The following TUSC3 variants were observed in gnomAD, a reference collection of about 807,000 sequenced individuals.
TUSC3 encodes the protein tumor suppressor candidate 3.
TUSC3 carries 45 observed loss-of-function variants against 44.8 expected under a neutral mutation model. That is an observed-to-expected ratio of 1.00 (90% confidence interval 0.79 to 1.29). The LOEUF is 1.29. Ranked by LOEUF, TUSC3 falls within the 50% of genes most tolerant of loss-of-function variation. The probability of loss-of-function intolerance (pLI) is 0.00; values close to 1 mark genes in which losing one functional copy is unlikely to be tolerated. For missense variants in TUSC3, 519 were observed against 437.9 expected (o/e 1.19, Z -1.65); for synonymous variants, 212 against 152.9 (o/e 1.39, Z -2.85).
the TUSC3 span, among the ~76,000 whole-genome samples, chr8:15,831,082 C>G: frequency 1.3e-5 from 2 of 152,270 alleles, no homozygotes; most frequent in Non-Finnish European, 2.9e-5. Flanking sequence ...ACCTCAGCCC[C>G]AACCCAGCAC....
chr8:15,737,268 G>A (rs1273016949), intron 7 of TUSC3, among the ~76,000 whole-genome samples: 4 of 151,938 alleles, frequency 2.6e-5, no homozygotes, highest in South Asian at 2.1e-4. Flanking sequence ...TTTTTTCAAC[G>A]TCTATTTACA....
chr8:15,820,443 C>G, the TUSC3 span, among the ~76,000 whole-genome samples: 1 of 151,832 alleles, frequency 6.6e-6, no homozygotes, highest in Non-Finnish European at 1.5e-5. Context: ...CCTCAGCCTC[C>G]TGATAAGCTG....
rs78250693 is a variant in TUSC3 at position 15,447,836 on chromosome 8, C to T, written n.91+30531C>T. 1.2e-4 allele frequency among the ~76,000 whole-genome samples: 18 copies of T among 151,246 alleles called. No homozygotes were observed. In the East Asian group the frequency reaches 3.3e-3, roughly 28 times the overall value. ...GATGGTAAGTGATACCATGCGAGAA[C>T]CCATAAAAACAGAGACTCCCTCATC... On this transcript the variant is annotated intron_variant and non_coding_transcript_variant, in intron 1 of 5. Coordinates refer to the TUSC3 transcript ENST00000503191.
chr8:15,441,887 AT>A (rs1800025298), intron 1 of TUSC3, among the ~76,000 whole-genome samples: 2 of 152,196 alleles, frequency 1.3e-5, no homozygotes, highest in African/African-American at 4.8e-5. Context: ...GATACCAGCT[AT>A]ATGAATGGAT....
the TUSC3 span, among the ~76,000 whole-genome samples, chr8:15,835,674 T>C: frequency 6.6e-6 from 1 of 152,154 alleles, no homozygotes; most frequent in Non-Finnish European, 1.5e-5. Flanking sequence ...TGGTAAAATA[T>C]TTTTGGAATG....
chr8:15,830,761 A>C, the TUSC3 span, among the ~76,000 whole-genome samples: 1 of 152,184 alleles, frequency 6.6e-6, no homozygotes, highest in Non-Finnish European at 1.5e-5. Flanking sequence ...CTCCAAAGGG[A>C]GGAAGGTGGA....
intron 10 of TUSC3, among the ~76,000 whole-genome samples, chr8:15,762,041 AT>A (rs1228147319): frequency 6.6e-6 from 1 of 151,894 alleles, no homozygotes; most frequent in Non-Finnish European, 1.5e-5. Flanking sequence ...TACTTTGGAA[AT>A]TTAATATTTA....
intron 1 of TUSC3, among the ~76,000 whole-genome samples, chr8:15,574,883 T>C (rs1009253755): frequency 6.6e-6 from 1 of 152,298 alleles, no homozygotes; most frequent in East Asian, 1.9e-4. Context: ...CATATTCAAC[T>C]TTATACTTTC....
chr8:15,571,846 G>A (rs186628001), intron 1 of TUSC3, among the ~76,000 whole-genome samples: 2 of 152,136 alleles, frequency 1.3e-5, no homozygotes, highest in African/African-American at 2.4e-5. Flanking sequence ...GCTGTGAGCT[G>A]TAATATATTG....
Position 15,544,934 on chromosome 8 carries a change from C to T in TUSC3, c.138+4366C>T, listed in dbSNP as rs1190322476. On this transcript the variant is annotated intron_variant, in intron 1 of 10. Transcript: ENST00000503731. ...TAGTGTCATGGATGATGGCAGAAGA[C>T]ATGGGATTCTTGTGTCACAGATGAA... is the stretch of plus-strand genomic sequence containing the variant. Among the ~76,000 whole-genome samples, 2 of 151,828 alleles carry T rather than the reference C, an allele frequency of 1.3e-5. 1 individual carries two copies. The highest frequency in any genetic ancestry group is 2.9e-5 in the Non-Finnish European group (2 of 67,912).
intron 7 of TUSC3, among the ~76,000 whole-genome samples, chr8:15,738,283 C>G (rs1244991878): frequency 6.6e-6 from 1 of 152,110 alleles, no homozygotes; most frequent in African/African-American, 2.4e-5. Context: ...GTTGTGTGCA[C>G]AAATGTTTAC....
At chr8:15,715,680 C>T (rs1334844148) in intron 6 of TUSC3, among the ~76,000 whole-genome samples, 3 of 151,110 alleles carry the variant, frequency 2.0e-5, no homozygotes, top group Non-Finnish European at 2.9e-5. Context: ...GACTACTATG[C>T]ATTTCCTGAT....
chr8:15,828,674 T>C, the TUSC3 span, among the ~76,000 whole-genome samples: 1 of 152,188 alleles, frequency 6.6e-6, no homozygotes, highest in Admixed American at 6.5e-5. Flanking sequence ...AAAAATACAG[T>C]AAAACACATT....
chr8:15,534,328 TC>T (rs1468813806), intron 2 of TUSC3, among the ~76,000 whole-genome samples: 3 of 152,140 alleles, frequency 2.0e-5, no homozygotes, highest in African/African-American at 7.2e-5. Context: ...GTTAAATTTC[TC>T]ATGGTTAAAA....
chr8:15,675,253 A>T (rs910502549), intron 6 of TUSC3, among the ~76,000 whole-genome samples: 7 of 151,560 alleles, frequency 4.6e-5, no homozygotes, highest in Admixed American at 1.3e-4. Flanking sequence ...AAATTTAGGA[A>T]ATCTTATAAA....
chr8:15,679,251 C>T (rs1346137964), intron 6 of TUSC3, among the ~76,000 whole-genome samples: 1 of 152,124 alleles, frequency 6.6e-6, no homozygotes, highest in African/African-American at 2.4e-5. Context: ...CTTTTCTCCA[C>T]AGCCTTGGAA....
intron 2 of TUSC3, among the ~76,000 whole-genome samples, chr8:15,640,158 T>A (rs903602341): frequency 2.6e-5 from 4 of 152,196 alleles, no homozygotes; most frequent in African/African-American, 9.6e-5. Flanking sequence ...TGTGTAAGTT[T>A]GGAATTTTGC....
At chr8:15,436,443 C>G (rs867185782) in intron 1 of TUSC3, among the ~76,000 whole-genome samples, 2 of 152,300 alleles carry the variant, frequency 1.3e-5, no homozygotes, top group Admixed American at 6.5e-5. Flanking sequence ...TGTTAGACCT[C>G]CGCTTTGCTG....
At chr8:15,625,960 A>G (rs137898042) in intron 2 of TUSC3, among the ~76,000 whole-genome samples, 21 of 152,354 alleles carry the variant, frequency 1.4e-4, no homozygotes, top group Non-Finnish European at 2.6e-4. Context: ...ACATAAGGAT[A>G]GAGTATATAT....
Sources: gnomAD v4.1 joint callset for allele counts (sites outside exome capture counted in the v4.1 genomes callset) on GRCh38, gnomAD v4.1.1 for gene constraint, MANE v1.5 for transcripts, NCBI Gene and HGNC (gene_info 2026-07-23, HGNC 2026-07-21) for gene names.